Variants in INTU observed in about 807,000 individuals in gnomAD.
INTU encodes protein inturned.
INTU carries 68 observed loss-of-function variants against 100.5 expected under a neutral mutation model. The ratio of observed to expected loss-of-function variants is 0.68; its 90% CI spans 0.56 to 0.83. The LOEUF is 0.83. Ranked by LOEUF, INTU falls within the 40% of genes least tolerant of loss-of-function variation. The pLI, the probability that INTU is intolerant of heterozygous loss-of-function variation, is 0.00. For missense variants in INTU, 1,071 were observed against 1,114.7 expected, an observed-to-expected ratio of 0.96 and a Z score of 0.56; for synonymous variants, 357 against 395.7, an observed-to-expected ratio of 0.90 and a Z score of 1.16.
chr4:127,709,994 A>C (rs568014084), intron 13 of INTU, among the ~76,000 whole-genome samples: 1 of 152,196 alleles, frequency 6.6e-6, no homozygotes, highest in African/African-American at 2.4e-5. Flanking sequence ...CAAACCTTTT[A>C]TGGAACCCAA....
intron 8 of INTU, among the ~76,000 whole-genome samples, chr4:127,698,510 A>C (rs1730499421): frequency 6.6e-6 from 1 of 151,340 alleles, no homozygotes. Flanking sequence ...TGGCAATTTT[A>C]GGTGGAAATA....
intron 6 of INTU, among the ~76,000 whole-genome samples, chr4:127,682,905 G>A (rs951194869): frequency 6.6e-6 from 1 of 152,122 alleles, no homozygotes; most frequent in Non-Finnish European, 1.5e-5. Flanking sequence ...CAAAAGAGAA[G>A]AAAGAGAATA....
At chr4:127,715,915 C>G (rs1021280437) in intron 15 of INTU, among the ~76,000 whole-genome samples, 1 of 152,042 alleles carries the variant, frequency 6.6e-6, no homozygotes. Flanking sequence ...AATTCCAATT[C>G]AGTTCTATTT....
chr4:127,681,751 A>G (rs1729566136), intron 6 of INTU, among the ~76,000 whole-genome samples: 1 of 152,194 alleles, frequency 6.6e-6, no homozygotes, highest in South Asian at 2.1e-4. Flanking sequence ...AAATTGACAA[A>G]TGGGATCTAA....
At chr4:127,660,081 G>A (rs2126196869) in intron 3 of INTU, among the ~76,000 whole-genome samples, 1 of 152,256 alleles carries the variant, frequency 6.6e-6, no homozygotes, top group East Asian at 1.9e-4. Flanking sequence ...TCTGGATGGG[G>A]GAGGCATATG....
In INTU at chr4:127,640,694, T is replaced by C. The variant is rs549806130; in HGVS notation, c.147-2827T>C. ...TTATCAGTAGGTGAATGACCAAATG[T>C]CCTACATCCTTGATATTGAATATTA... On this transcript the variant is annotated intron_variant, in intron 1 of 15. Transcript: ENST00000335251. 5.3e-5 allele frequency among the ~76,000 whole-genome samples: 8 copies of C among 150,418 alleles called. No homozygotes were observed. In the East Asian group the frequency reaches 1.6e-3, roughly 29 times the overall value.
chr4:127,711,119 A>T lies in INTU; in HGVS notation c.2559+17A>T. 1 of 1,526,052 alleles carries T rather than the reference A, an allele frequency of 6.6e-7. No individual in the cohort carries two copies. The highest frequency in any genetic ancestry group is 8.9e-7 in the Non-Finnish European group (1 of 1,120,276). The allele number at this position is 1,526,052 out of a possible 1,614,324, so 94.5% of individuals were successfully genotyped here. ...GTGGAAGAGGTAGGGCACTGCTATA[A>T]ATACAGTTTTCTGCCAGTTTAATTT... On this transcript the variant is annotated intron_variant, in intron 14 of 15. Coordinates refer to ENST00000335251, the MANE Select transcript of INTU (RefSeq NM_015693.4).
At chr4:127,708,690 G>C in intron 13 of INTU, 22 bp downstream of exon 13, 1 of 1,282,308 alleles carries the variant, frequency 7.8e-7, no homozygotes, top group Non-Finnish European at 1.1e-6. Flanking sequence ...TCTTATTCTT[G>C]TTCACTTAAA....
intron 2 of INTU, among the ~76,000 whole-genome samples, chr4:127,653,215 ATTTCC>A (rs1281849638): frequency 1.4e-4 from 18 of 128,880 alleles, no homozygotes; most frequent in Non-Finnish European, 2.1e-4. Context: ...TTGTGTCTCT[ATTTCC>A]TTCAGTTCTG....
At chr4:127,676,978 C>A (rs2126216786) in intron 6 of INTU, among the ~76,000 whole-genome samples, 1 of 152,212 alleles carries the variant, frequency 6.6e-6, no homozygotes, top group Middle Eastern at 3.4e-3. Flanking sequence ...GTCCTACGCC[C>A]ACGGAGTCTC....
intron 8 of INTU, among the ~76,000 whole-genome samples, chr4:127,694,195 G>C (rs1730280114): frequency 6.6e-6 from 1 of 151,764 alleles, no homozygotes; most frequent in African/African-American, 2.4e-5. Flanking sequence ...GAGTCTGTCT[G>C]GTCCTGGACT....
intron 9 of INTU, 37 bp from the exon 10 acceptor site, chr4:127,704,191 A>G: frequency 6.5e-7 from 1 of 1,539,116 alleles, no homozygotes; most frequent in Non-Finnish European, 8.9e-7. Flanking sequence ...TCACAAAAAA[A>G]TAAAAATATA....
intron 1 of INTU, among the ~76,000 whole-genome samples, chr4:127,638,039 T>A (rs1727150950): frequency 6.6e-6 from 1 of 152,204 alleles, no homozygotes; most frequent in Non-Finnish European, 1.5e-5. Context: ...AGCATACATG[T>A]TAATGATTGA....
At position 127,720,552 on chromosome 4, in the gene INTU, CGAT is replaced by C. The variant is rs1731331960; in HGVS notation, c.*4120_*4122del. On this transcript the variant is annotated 3_prime_UTR_variant, in exon 16 of 16. Coordinates refer to ENST00000335251, the MANE Select transcript of INTU (RefSeq NM_015693.4). ...GAATAACTTTGTTAATTTTCTGTCT[CGAT>C]GATCTAATATTGACAGTGGGGTGTT... 1 of 151,904 alleles carries C rather than the reference CGAT, an allele frequency of 6.6e-6. No individual in the cohort carries two copies. The highest frequency in any genetic ancestry group is 6.6e-5 in the Admixed American group (1 of 15,232). The allele number at this position is 151,904 out of a possible 1,614,324, so 9.4% of individuals were successfully genotyped here.
chr4:127,661,091 A>G (rs180718953), intron 3 of INTU, among the ~76,000 whole-genome samples: 18 of 152,318 alleles, frequency 1.2e-4, no homozygotes. Context: ...TACTTAAATC[A>G]GAAGAATAGT....
chr4:127,706,365 A>T, intron 11 of INTU, 122 bp from the exon 12 acceptor site: 1 of 793,300 alleles, frequency 1.3e-6, no homozygotes, highest in Non-Finnish European at 1.9e-6. Flanking sequence ...AATTTTTAAT[A>T]ATCATCACAT....
intron 14 of INTU, among the ~76,000 whole-genome samples, chr4:127,712,393 A>G (rs1036681093): frequency 7.2e-5 from 11 of 152,158 alleles, no homozygotes; most frequent in Admixed American, 3.9e-4. Context: ...GATAAATGTT[A>G]TAAAGGAATA....
At chr4:127,671,916 T>A (rs924239335) in intron 5 of INTU, among the ~76,000 whole-genome samples, 1 of 151,964 alleles carries the variant, frequency 6.6e-6, no homozygotes, top group African/African-American at 2.4e-5. Context: ...AAGTCAAATA[T>A]CACATATTCT....
intron 1 of INTU, 56 bp downstream of exon 1, chr4:127,633,236 A>C: frequency 2.6e-6 from 4 of 1,565,082 alleles, no homozygotes; most frequent in Non-Finnish European, 3.5e-6. Flanking sequence ...GAGAATATAC[A>C]CGTGGGCTGG....
Sources: allele counts gnomAD v4.1 joint callset (sites outside exome capture counted in the v4.1 genomes callset), GRCh38; gene constraint gnomAD v4.1.1; transcripts MANE v1.5; gene names NCBI Gene and HGNC (gene_info 2026-07-23, HGNC 2026-07-21).